The following DLGAP2 variants were observed in gnomAD, a reference collection of about 807,000 sequenced individuals.
DLGAP2 encodes the protein DLG associated protein 2, also known as disks large-associated protein 2.
A neutral mutation model predicts 100.3 loss-of-function variants in DLGAP2; 26 were observed. The observed-to-expected ratio is 0.26, with a 90% CI of 0.19 to 0.36. DLGAP2 has a LOEUF of 0.36. Among genes scored for constraint, DLGAP2 ranks in the 10% least tolerant of loss-of-function variants. The probability of loss-of-function intolerance (pLI) is 1.00; values close to 1 mark genes in which losing one functional copy is unlikely to be tolerated. For missense variants in DLGAP2, 1,858 were observed against 1,453.2 expected (o/e 1.28, Z -4.53); for synonymous variants, 886 against 630.1 (o/e 1.41, Z -6.08).
intron 4 of DLGAP2, among the ~76,000 whole-genome samples, chr8:1,514,949 G>A (rs879168044): frequency 7.2e-5 from 11 of 152,182 alleles, no homozygotes; most frequent in South Asian, 4.1e-4. Flanking sequence ...GCAGGAGCAC[G>A]CAGGGAGACC....
intron 3 of DLGAP2, among the ~76,000 whole-genome samples, chr8:1,460,458 C>T (rs1299646233): frequency 1.3e-5 from 2 of 152,166 alleles, no homozygotes; most frequent in Non-Finnish European, 2.9e-5. Flanking sequence ...TAACATGTCG[C>T]TTTACTGATG....
chr8:1,678,594 A>G lies in DLGAP2; in HGVS notation c.2669A>G (p.Glu890Gly). 2 of 1,573,804 alleles carry G rather than the reference A, an allele frequency of 1.3e-6. No homozygotes were observed. The highest frequency in any genetic ancestry group is 8.6e-7 in the Non-Finnish European group (1 of 1,159,502). ...ATGGAAGGCTGGTGCAAAGAGATGG[A>G]GAGAGAGGCGGAGGAGAACGACCTC... ...KRMEGWCKEM[E>G]REAEENDLSE... Residue 890 changes from glutamate (E) to glycine (G), a missense_variant, in exon 12 of 15, where the codon GAG becomes GGG. Glu to Gly is a moderately conservative substitution (Grantham distance 98, BLOSUM62 -2). Transcript: ENST00000637795.
intron 2 of DLGAP2, among the ~76,000 whole-genome samples, chr8:1,074,917 G>C (rs911761632): frequency 1.3e-5 from 2 of 152,078 alleles, no homozygotes; most frequent in South Asian, 4.2e-4. Context: ...ACTCTCCTTG[G>C]TCACCTTGCA....
At chr8:952,594 G>T (rs977467974) in intron 2 of DLGAP2, among the ~76,000 whole-genome samples, 2 of 152,010 alleles carry the variant, frequency 1.3e-5, no homozygotes, top group Non-Finnish European at 2.9e-5. Flanking sequence ...CTGAGATCAC[G>T]CCACTGTACT....
At chr8:1,324,034 G>A (rs189252794) in intron 3 of DLGAP2, among the ~76,000 whole-genome samples, 19 of 152,276 alleles carry the variant, frequency 1.2e-4, no homozygotes, top group Admixed American at 9.8e-4. Flanking sequence ...TGAAGTGTGC[G>A]TCTGGTCTGC....
At position 1,683,938 on chromosome 8, in the gene DLGAP2, GTA is replaced by G. The variant is rs1260015924; in HGVS notation, c.2704+5319_2704+5320del. On this transcript the variant is annotated intron_variant, in intron 12 of 14. Transcript: ENST00000637795. ...TATATATATATGTGTGTATATATGT[GTA>G]TATATATATGTGTGTATATATATAT... 2.2e-4 allele frequency among the ~76,000 whole-genome samples: 18 copies of G among 80,658 alleles called. 1 individual carries two copies. Among genetic ancestry groups the G allele is most frequent in the South Asian group, 1.1e-3 (2 of 1,876 alleles). 52.9% of individuals were successfully genotyped at this position (80,658 alleles called of 152,430 possible). A position where few individuals can be genotyped will look rare whatever the true frequency, so the allele number is the denominator to read the frequency against.
intron 3 of DLGAP2, among the ~76,000 whole-genome samples, chr8:1,487,000 C>A (rs960852463): frequency 2.6e-5 from 4 of 152,214 alleles, no homozygotes; most frequent in African/African-American, 4.8e-5. Context: ...CTGGCACAGT[C>A]ATTTCTTGGT....
At chr8:1,660,263 C>T (rs976445704) in intron 8 of DLGAP2, among the ~76,000 whole-genome samples, 3 of 152,140 alleles carry the variant, frequency 2.0e-5, no homozygotes, top group African/African-American at 7.2e-5. Flanking sequence ...TTCTCTCTGG[C>T]TGGAGGGCTG....
chr8:1,458,426 G>A (rs1798380608), intron 3 of DLGAP2, among the ~76,000 whole-genome samples: 1 of 152,086 alleles, frequency 6.6e-6, no homozygotes. Context: ...TTATTGTGTT[G>A]AGTCAGATGA....
chr8:855,668 G>T (rs1237366344), intron 1 of DLGAP2, among the ~76,000 whole-genome samples: 2 of 152,314 alleles, frequency 1.3e-5, no homozygotes, highest in East Asian at 3.9e-4. Flanking sequence ...AGTGCAGGAA[G>T]TGGGATCATC....
chr8:1,341,557 A>G (rs1278852304), intron 3 of DLGAP2, among the ~76,000 whole-genome samples: 1 of 152,198 alleles, frequency 6.6e-6, no homozygotes, highest in African/African-American at 2.4e-5. Context: ...AAAATCAGAG[A>G]TGGGAAGGAG....
chr8:835,231 C>A (rs1043916581), intron 1 of DLGAP2, among the ~76,000 whole-genome samples: 1 of 151,980 alleles, frequency 6.6e-6, no homozygotes, highest in African/African-American at 2.4e-5. Context: ...ATATTGCCTG[C>A]CATTTAAAAC....
intron 3 of DLGAP2, among the ~76,000 whole-genome samples, chr8:1,334,581 C>T (rs1450635586): frequency 6.6e-6 from 1 of 152,100 alleles, no homozygotes; most frequent in Non-Finnish European, 1.5e-5. Flanking sequence ...GGCCCTTCCC[C>T]ACCTGCCCTC....
At chr8:1,621,209 C>T (rs1585003751) in intron 6 of DLGAP2, 1 of 152,234 alleles carries the variant, frequency 6.6e-6, no homozygotes, top group African/African-American at 2.4e-5. Context: ...ATCCTTCAAA[C>T]CTGCCCAGTC....
chr8:855,067 G>A (rs1016495958), intron 1 of DLGAP2, among the ~76,000 whole-genome samples: 6 of 152,318 alleles, frequency 3.9e-5, no homozygotes, highest in Non-Finnish European at 8.8e-5. Context: ...CTTGCCGAGT[G>A]GTGGGGAGGA....
intron 1 of DLGAP2, among the ~76,000 whole-genome samples, chr8:844,995 G>A (rs1031426552): frequency 3.3e-5 from 5 of 152,204 alleles, no homozygotes; most frequent in East Asian, 1.9e-4. Flanking sequence ...TCCATGTCAT[G>A]TCAGGTATTT....
intron 3 of DLGAP2, among the ~76,000 whole-genome samples, chr8:1,415,302 A>G (rs2404297): frequency 0.43 from 65,557 of 152,036 alleles, 16,007 homozygotes; most frequent in East Asian, 0.75. Context: ...TCTGATTTAA[A>G]GGCTAATTTT....
intron 6 of DLGAP2, among the ~76,000 whole-genome samples, chr8:1,592,451 G>A (rs1796320663): frequency 6.6e-6 from 1 of 151,886 alleles, no homozygotes; most frequent in African/African-American, 2.4e-5. Context: ...AGGGCTCCCT[G>A]AAGTGCAAAT....
At chr8:1,636,613 A>G (rs1184791569) in intron 8 of DLGAP2, among the ~76,000 whole-genome samples, 1 of 152,200 alleles carries the variant, frequency 6.6e-6, no homozygotes, top group East Asian at 1.9e-4. Flanking sequence ...TTAGTCTTTT[A>G]CAATAAAAGA....
Sources: gnomAD v4.1 joint callset for allele counts (sites outside exome capture counted in the v4.1 genomes callset) on GRCh38, gnomAD v4.1.1 for gene constraint, MANE v1.5 for transcripts, NCBI Gene and HGNC (gene_info 2026-07-23, HGNC 2026-07-21) for gene names.